TNFRSF13B: variants seen among roughly 807,000 people sequenced by gnomAD.
The protein encoded by TNFRSF13B is TNF receptor superfamily member 13B, also known as tumor necrosis factor receptor superfamily member 13B.
TNFRSF13B carries 34 observed loss-of-function variants against 24.0 expected under a neutral mutation model. That is an observed-to-expected ratio of 1.41 (90% CI 1.08 to 1.88). The LOEUF (loss-of-function observed/expected upper bound fraction) is 1.88, where lower values mean the gene tolerates loss of function less well. TNFRSF13B is among the 40% of genes most tolerant of loss of function. TNFRSF13B has a pLI of 0.00. For synonymous variants in TNFRSF13B, 173 were observed against 150.3 expected (o/e 1.15, Z -1.10); for missense variants, 415 against 380.8 (o/e 1.09, Z -0.75).
chr17:16,970,695 C>T (rs374302313), intron 1 of TNFRSF13B, among the ~76,000 whole-genome samples: 1 of 152,180 alleles, frequency 6.6e-6, no homozygotes, highest in Non-Finnish European at 1.5e-5. Context: ...AGGGCTGATT[C>T]GGCAGCACCA....
At chr17:16,948,648 T>C (rs2087565652) in intron 3 of TNFRSF13B, 90 bp downstream of exon 3, 1 of 1,587,142 alleles carries the variant, frequency 6.3e-7, no homozygotes, top group Non-Finnish European at 8.6e-7. Flanking sequence ...CTTCATGCAT[T>C]GTGGACTCTC....
chr17:16,947,651 C>G (rs1277608694), intron 3 of TNFRSF13B, among the ~76,000 whole-genome samples: 1 of 152,112 alleles, frequency 6.6e-6, no homozygotes, highest in Non-Finnish European at 1.5e-5. Flanking sequence ...CAATGAGGGA[C>G]CATTTCACAC....
At chr17:16,964,821 G>C (rs949840731) in intron 1 of TNFRSF13B, among the ~76,000 whole-genome samples, 7 of 152,122 alleles carry the variant, frequency 4.6e-5, no homozygotes, top group Non-Finnish European at 1.0e-4. Context: ...GAGTGTGCCG[G>C]AGTGAAGTGC....
At chr17:16,953,408 A>T (rs1426628526) in intron 1 of TNFRSF13B, among the ~76,000 whole-genome samples, 1 of 152,198 alleles carries the variant, frequency 6.6e-6, no homozygotes, top group Non-Finnish European at 1.5e-5. Context: ...GTGAAATTTG[A>T]TGTATGTATG....
intron 1 of TNFRSF13B, among the ~76,000 whole-genome samples, chr17:16,970,286 T>C (rs2087734708): frequency 6.6e-6 from 1 of 152,132 alleles, no homozygotes. Context: ...ACTAGCTGTG[T>C]GGGCTGGGCT....
At position 16,948,738 on chromosome 17, in the gene TNFRSF13B, C is replaced by T. The variant is rs72553880; in HGVS notation, c.445G>A (p.Ala149Thr). 30 of 1,613,770 alleles carry T rather than the reference C, an allele frequency of 1.9e-5. No individual in the cohort carries two copies. The South Asian group carries it at 2.7e-4, about 15-fold the overall frequency. Residue 149 changes from alanine (A) to threonine (T), a missense_variant and splice_region_variant, in exon 3 of 5, where the codon GCT becomes ACT. By Grantham distance (58) the Ala-to-Thr change is moderately conservative (BLOSUM62 0). Coordinates refer to ENST00000261652, the MANE Select transcript of TNFRSF13B (RefSeq NM_012452.3). ...TGCAGGTTTGCCTTGGGTGGCTTAC[C>T]TGGACTTGCTTCTGAGCCTCTGTGC... The part of the protein sequence containing the change: ...LEHRGSEASP[A>T]LPGLKLSADQ...
intron 3 of TNFRSF13B, among the ~76,000 whole-genome samples, chr17:16,943,955 G>A (rs985034019): frequency 1.3e-5 from 2 of 152,110 alleles, no homozygotes; most frequent in African/African-American, 2.4e-5. Context: ...AGAACCCCAC[G>A]CCAGTCTCCT....
At chr17:16,970,056 G>C (rs1362060326) in intron 1 of TNFRSF13B, among the ~76,000 whole-genome samples, 9 of 152,208 alleles carry the variant, frequency 5.9e-5, no homozygotes, top group Non-Finnish European at 1.0e-4. Flanking sequence ...CTGACAGAGA[G>C]ACAGTGCCTG....
intron 3 of TNFRSF13B, chr17:16,941,153 G>C (rs1393338680): frequency 1.1e-6 from 1 of 898,530 alleles, no homozygotes; most frequent in Non-Finnish European, 1.3e-6. Context: ...TGGCTGCAGA[G>C]GTTCAGTACA....
At chr17:16,948,468 T>C (rs1156854641) in intron 3 of TNFRSF13B, among the ~76,000 whole-genome samples, 1 of 152,234 alleles carries the variant, frequency 6.6e-6, no homozygotes, top group Non-Finnish European at 1.5e-5. Flanking sequence ...GTGCCTGTGC[T>C]TCAATGACTG....
At chr17:16,948,345 A>AT (rs1297238399) in intron 3 of TNFRSF13B, among the ~76,000 whole-genome samples, 7 of 152,202 alleles carry the variant, frequency 4.6e-5, no homozygotes, top group African/African-American at 1.7e-4. Flanking sequence ...TAAAAAAAAA[A>AT]GTTGAAATTA....
chr17:16,955,354 TATAAG>T (rs2087617380), intron 1 of TNFRSF13B, among the ~76,000 whole-genome samples: 2 of 152,052 alleles, frequency 1.3e-5, no homozygotes, highest in Non-Finnish European at 2.9e-5. Context: ...TCCCCAGAAA[TATAAG>T]AGAGGATTGT....
chr17:16,954,920 C>T (rs957644453), intron 1 of TNFRSF13B, among the ~76,000 whole-genome samples: 2 of 152,238 alleles, frequency 1.3e-5, no homozygotes, highest in African/African-American at 4.8e-5. Flanking sequence ...CCAGTCTCCC[C>T]TCTCCTTACC....
At chr17:16,971,795 A>C (rs984710283) in intron 1 of TNFRSF13B, among the ~76,000 whole-genome samples, 10 of 152,194 alleles carry the variant, frequency 6.6e-5, no homozygotes, top group Non-Finnish European at 1.2e-4. Flanking sequence ...CCAACCCTGC[A>C]ACCTCAGTGG....
chr17:16,967,290 G>A (rs1218628325), intron 1 of TNFRSF13B, among the ~76,000 whole-genome samples: 2 of 151,870 alleles, frequency 1.3e-5, no homozygotes, highest in African/African-American at 4.8e-5. Context: ...ATGTTGCTGT[G>A]GAAAGAACAG....
Position 16,948,874 on chromosome 17 carries a change from G to C in TNFRSF13B, c.309C>G (p.Phe103Leu), listed in dbSNP as rs1201043139. 11 of 1,614,118 alleles carry C rather than the reference G, an allele frequency of 6.8e-6. No individual in the cohort carries two copies. The highest frequency in any genetic ancestry group is 7.6e-6 in the Non-Finnish European group (9 of 1,180,056). ...CGQHPKQCAY[F>L]CENKLRSPVN... ...CTGGGCTCCTGAGCTTGTTCTCACA[G>C]AAGTATGCACATTGCTTAGGGTGCT... is the stretch of plus-strand genomic sequence containing the variant. Residue 103 changes from phenylalanine to leucine, a missense_variant, in exon 3 of 5, where the codon TTC becomes TTG. By Grantham distance (22) the Phe-to-Leu change is conservative (BLOSUM62 0). Coordinates refer to ENST00000261652, the MANE Select transcript of TNFRSF13B (RefSeq NM_012452.3).
intron 1 of TNFRSF13B, among the ~76,000 whole-genome samples, chr17:16,971,752 C>G (rs2087746568): frequency 6.6e-6 from 1 of 152,100 alleles, no homozygotes; most frequent in Non-Finnish European, 1.5e-5. Context: ...TGTGCAGGGG[C>G]CATGGTGACA....
chr17:16,962,799 G>GCAGC lies in TNFRSF13B; in HGVS notation c.61+9212_61+9215dup, dbSNP rs542669355. Among the ~76,000 whole-genome samples the GCAGC allele has an allele frequency of 2.1e-3, 326 of 152,238 alleles. 1 individual carries two copies. The highest frequency in any genetic ancestry group is 0.017 in the Middle Eastern group (5 of 294). On this transcript the variant is annotated intron_variant, in intron 1 of 4. Coordinates refer to ENST00000261652, the MANE Select transcript of TNFRSF13B (RefSeq NM_012452.3). Reference sequence around the variant, plus strand: ...GAGTTGACATTCTGGAGCAGAGCCGGCAGCCAGCAGGTCTATCTTGACTCC... The same window carrying GCAGC: ...GAGTTGACATTCTGGAGCAGAGCCGGCAGCCAGCCAGCAGGTCTATCTTGACTCC...
intron 4 of TNFRSF13B, 139 bp from the exon 5 acceptor site, chr17:16,939,936 A>AGTTGCTC: frequency 8.0e-7 from 1 of 1,243,670 alleles, no homozygotes; most frequent in Non-Finnish European, 1.1e-6. Context: ...GACAGGTGTC[A>AGTTGCTC]GTGTCCGCCA....
Sources: gnomAD v4.1 joint callset for allele counts (sites outside exome capture counted in the v4.1 genomes callset) on GRCh38, gnomAD v4.1.1 for gene constraint, MANE v1.5 for transcripts, NCBI Gene and HGNC (gene_info 2026-07-23, HGNC 2026-07-21) for gene names.